The following BUD31 variants were observed in gnomAD, a reference collection of about 807,000 sequenced individuals.
BUD31 encodes the protein protein BUD31 homolog.
Under a neutral mutation model 17.9 loss-of-function variants are expected in BUD31, and 9 were observed. The observed-to-expected ratio is 0.50, with a 90% CI of 0.30 to 0.88. BUD31 has a LOEUF of 0.88. Among genes scored for constraint, BUD31 ranks in the 40% least tolerant of loss-of-function variants. The probability of loss-of-function intolerance (pLI) is 0.06; values close to 1 mark genes in which losing one functional copy is unlikely to be tolerated. For missense variants in BUD31, 148 were observed against 184.5 expected (o/e 0.80, Z 1.15); for synonymous variants, 70 against 64.7 (o/e 1.08, Z -0.39).
intron 1 of BUD31, among the ~76,000 whole-genome samples, chr7:99,409,776 G>C (rs930053340): frequency 4.8e-5 from 6 of 126,152 alleles, no homozygotes; most frequent in South Asian, 3.2e-4. Context: ...GGGCGGGGGG[G>C]GGGTGGGTCT....
intron 3 of BUD31, 51 bp from the exon 4 acceptor site, chr7:99,416,087 C>T (rs756706880): frequency 3.1e-6 from 5 of 1,599,160 alleles, no homozygotes; most frequent in South Asian, 1.1e-5. Flanking sequence ...AAAAGAAAAT[C>T]CTGCGCAGAC....
In BUD31 at chr7:99,417,836, CCT is replaced by C; in HGVS notation, c.384+242_384+243del. ...CCACTTTTGGGCAAATTACTGAACC[CCT>C]TTCCTCACTTAGGAAATGGTGGTGG... On this transcript the variant is annotated intron_variant, in intron 5 of 5. Coordinates refer to ENST00000222969, the MANE Select transcript of BUD31 (RefSeq NM_003910.4). 3.4e-6 allele frequency: 5 copies of C among 1,458,932 alleles called. No individual in the cohort carries two copies. In the South Asian group the frequency reaches 6.7e-5, roughly 20 times the overall value. 90.4% of individuals were successfully genotyped at this position (1,458,932 alleles called of 1,614,324 possible).
intron 5 of BUD31, chr7:99,417,961 C>G (rs1464773497): frequency 2.5e-6 from 3 of 1,201,838 alleles, no homozygotes; most frequent in Non-Finnish European, 2.1e-6. Flanking sequence ...TTTAACATTA[C>G]CATCACTATC....
chr7:99,417,801 A>T (rs892841514), intron 5 of BUD31: 1 of 1,514,758 alleles, frequency 6.6e-7, no homozygotes, highest in Non-Finnish European at 8.8e-7. Context: ...GTCTGGGGTC[A>T]ATCTCAACTC....
In BUD31 at chr7:99,417,516, G is replaced by C; in HGVS notation, c.305G>C (p.Cys102Ser). The C allele has an allele frequency of 5.0e-6, 8 of 1,611,470 alleles. No homozygotes were observed. Among genetic ancestry groups the C allele is most frequent in the Non-Finnish European group, 6.8e-6 (8 of 1,178,148 alleles). The change falls in exon 5 of 6, where the codon TGC becomes TCC. Residue 102 changes from cysteine (C) to serine (S), a missense_variant. Coordinates refer to ENST00000222969, the MANE Select transcript of BUD31 (RefSeq NM_003910.4). ...AAGCAAGGATATGAGAACTTGTGCT[G>C]CCTGCGGTGCATTCAGACACGGGAC... is the stretch of plus-strand genomic sequence containing the variant. ...WKKQGYENLC[C>S]LRCIQTRDTN... is the part of the protein sequence containing the mutation.
chr7:99,411,021 T>G, intron 2 of BUD31, 43 bp from the exon 3 acceptor site: 1 of 1,346,854 alleles, frequency 7.4e-7, no homozygotes, highest in Non-Finnish European at 1.0e-6. Flanking sequence ...CAAAGGCCTT[T>G]GGGGATTTGA....
At chr7:99,416,900 T>C (rs1795508050) in intron 4 of BUD31, 1 of 161,436 alleles carries the variant, frequency 6.2e-6, no homozygotes, top group South Asian at 1.6e-4. Context: ...TTTAAATTTT[T>C]TGTGGAGATG....
At chr7:99,417,990 C>T (rs917949646) in intron 5 of BUD31, 13 of 1,170,522 alleles carry the variant, frequency 1.1e-5, no homozygotes, top group East Asian at 6.5e-5. Flanking sequence ...CCCCCCAAGA[C>T]GGAGTCTTGC....
chr7:99,417,663 A>G, intron 5 of BUD31, 68 bp downstream of exon 5: 2 of 1,589,538 alleles, frequency 1.3e-6, no homozygotes, highest in Non-Finnish European at 1.7e-6. Flanking sequence ...ACTGCAAGGG[A>G]TCTTATGTTA....
chr7:99,412,615 CT>C (rs1247022408), intron 3 of BUD31, among the ~76,000 whole-genome samples: 172 of 140,262 alleles, frequency 1.2e-3, no homozygotes, highest in Middle Eastern at 3.5e-3. Flanking sequence ...TCTTTTTTTT[CT>C]TTTTTTTTTT....
chr7:99,409,938 G>A (rs1032496162), intron 1 of BUD31, 96 bp from the exon 2 acceptor site: 1 of 152,186 alleles, frequency 6.6e-6, no homozygotes, highest in Admixed American at 6.5e-5. Flanking sequence ...GATTGGGATC[G>A]GCCTCTTGTA....
At chr7:99,411,989 A>C (rs1795208775) in intron 3 of BUD31, 2 of 237,594 alleles carry the variant, frequency 8.4e-6, no homozygotes, top group South Asian at 4.1e-5. Context: ...TACAGGTATG[A>C]GCCACTACAC....
rs928821133 is a variant in BUD31, at chr7:99,411,387, GT to G, written c.94+210del. On this transcript the variant is annotated intron_variant, in intron 3 of 5. Transcript: ENST00000222969. ...TAATGAAAAGGTCCTCAGAAAAGGT[GT>G]TTTTTTTTGTTTTTGTTTTTGCCAA... 132 of 498,894 alleles carry G rather than the reference GT, an allele frequency of 2.6e-4. 1 individual carries two copies. The highest frequency in any genetic ancestry group is 8.3e-4 in the South Asian group (30 of 36,248). 30.9% of individuals were successfully genotyped at this position (498,894 alleles called of 1,614,324 possible). A position where few individuals can be genotyped will look rare whatever the true frequency, so the allele number is the denominator to read the frequency against.
Position 99,416,223 on chromosome 7 carries a change from C to T in BUD31, c.180C>T (p.Ile60=), listed in dbSNP as rs749451612. ...FRIHHQKTRY[I]FDLFYKRKAI... ...TCCACCACCAGAAAACCCGCTACAT[C>T]TTCGACCTCTTTTACAAGCGGAAAG... Residue 60 remains isoleucine, a synonymous_variant, in exon 4 of 6, where the codon ATC becomes ATT. Transcript: ENST00000222969. 6.2e-7 allele frequency: 1 copy of T among 1,614,028 alleles called. No individual in the cohort carries two copies. The highest frequency in any genetic ancestry group is 1.1e-5 in the South Asian group (1 of 91,072).
At chr7:99,415,393 T>G (rs1030788388) in intron 3 of BUD31, 3 of 402,712 alleles carry the variant, frequency 7.4e-6, no homozygotes, top group Non-Finnish European at 1.5e-5. Flanking sequence ...CTTTCACTAA[T>G]TTGCTATTGT....
intron 3 of BUD31, among the ~76,000 whole-genome samples, chr7:99,415,447 C>T (rs546340375): frequency 1.8e-4 from 28 of 152,190 alleles, no homozygotes; most frequent in East Asian, 5.8e-4. Flanking sequence ...AACATGAAGG[C>T]GGACTAGGAG....
chr7:99,418,355 G>C (rs1273029572), intron 5 of BUD31: 3 of 155,208 alleles, frequency 1.9e-5, no homozygotes, highest in Non-Finnish European at 4.3e-5. Flanking sequence ...CAGGAGCTGA[G>C]CTCCATCCGG....
In BUD31 at chr7:99,417,555, C is replaced by T. The variant is rs770743191; in HGVS notation, c.344C>T (p.Thr115Met). 1.9e-6 allele frequency: 3 copies of T among 1,612,150 alleles called. No individual in the cohort carries two copies. Among genetic ancestry groups the T allele is most frequent in the Non-Finnish European group, 2.5e-6 (3 of 1,178,742 alleles). The change falls in exon 5 of 6, where the codon ACG becomes ATG. Residue 115 changes from threonine (T) to methionine (M), a missense_variant. Transcript: ENST00000222969. The stretch of plus-strand genomic sequence containing the variant: ...CAGACACGGGACACCAACTTCGGGA[C>T]GAACTGCATCTGCCGCGTGCCCAAA... ...CIQTRDTNFG[T>M]NCICRVPKSK...
Position 99,417,458 on chromosome 7 carries a change from T to C in BUD31, c.247T>C (p.Tyr83His), listed in dbSNP as rs767499344. 3 of 1,613,242 alleles carry C rather than the reference T, an allele frequency of 1.9e-6. No homozygotes were observed. Among genetic ancestry groups the C allele is most frequent in the Non-Finnish European group, 2.5e-6 (3 of 1,179,734 alleles). The change falls in exon 5 of 6, where the codon TAT (tyrosine) becomes CAT (histidine). Residue 83 changes from tyrosine (Y) to histidine (H), a missense_variant. Transcript: ENST00000222969. The part of the protein sequence containing the change: ...ELYEYCIKEG[Y>H]ADKNLIAKWK... ...CTATGAATATTGTATTAAAGAAGGC[T>C]ATGCAGACAAAAACCTGATTGCAAA...
Sources: gnomAD v4.1 joint callset for allele counts (sites outside exome capture counted in the v4.1 genomes callset) on GRCh38, gnomAD v4.1.1 for gene constraint, MANE v1.5 for transcripts, NCBI Gene and HGNC (gene_info 2026-07-23, HGNC 2026-07-21) for gene names.